Variants in DOCK2 observed in about 807,000 individuals in gnomAD.
DOCK2 encodes the protein dedicator of cytokinesis protein 2.
A neutral mutation model predicts 248.9 loss-of-function variants in DOCK2; 87 were observed. That is an observed-to-expected ratio of 0.35 (90% CI 0.29 to 0.42). DOCK2 has a LOEUF of 0.42. Among genes scored for constraint, DOCK2 ranks in the 10% least tolerant of loss-of-function variants. The probability of loss-of-function intolerance (pLI) is 1.00; values close to 1 mark genes in which losing one functional copy is unlikely to be tolerated. For missense variants in DOCK2, 1,747 were observed against 2,300.2 expected (o/e 0.76, Z 4.92); for synonymous variants, 805 against 821.6 (o/e 0.98, Z 0.35).
At chr5:169,963,005 A>G (rs1410132286) in intron 27 of DOCK2, among the ~76,000 whole-genome samples, 1 of 152,184 alleles carries the variant, frequency 6.6e-6, no homozygotes, top group Non-Finnish European at 1.5e-5. Flanking sequence ...GGGTGGAAGA[A>G]TTGACATTTT....
At chr5:169,666,838 T>C (rs1758761668) in intron 2 of DOCK2, among the ~76,000 whole-genome samples, 1 of 152,234 alleles carries the variant, frequency 6.6e-6, no homozygotes, top group African/African-American at 2.4e-5. Context: ...CTTCTTGCAA[T>C]GAATCCCTGG....
At chr5:169,968,004 A>G (rs763298766) in intron 27 of DOCK2, among the ~76,000 whole-genome samples, 6 of 152,184 alleles carry the variant, frequency 3.9e-5, no homozygotes, top group Non-Finnish European at 7.4e-5. Flanking sequence ...TCATGTTGAC[A>G]TGTTAATATG....
chr5:170,027,019 A>G (rs1581537649), intron 33 of DOCK2, among the ~76,000 whole-genome samples: 1 of 151,922 alleles, frequency 6.6e-6, no homozygotes, highest in African/African-American at 2.4e-5. Context: ...AGGGGCTCAC[A>G]AATGGCATCA....
intron 23 of DOCK2, among the ~76,000 whole-genome samples, chr5:169,748,522 T>G (rs1274085748): frequency 1.3e-5 from 2 of 152,188 alleles, no homozygotes; most frequent in Non-Finnish European, 2.9e-5. Context: ...ATGGCTTCCT[T>G]TAATTTAACA....
intron 27 of DOCK2, among the ~76,000 whole-genome samples, chr5:169,925,203 A>C (rs551328626): frequency 2.0e-5 from 3 of 152,212 alleles, no homozygotes; most frequent in Non-Finnish European, 4.4e-5. Context: ...GGACTAGTTC[A>C]GTCAGGCAGC....
At chr5:170,037,847 A>T (rs756541027) in intron 36 of DOCK2, among the ~76,000 whole-genome samples, 1 of 152,122 alleles carries the variant, frequency 6.6e-6, no homozygotes, top group Non-Finnish European at 1.5e-5. Flanking sequence ...GGAGCCCTTG[A>T]GGTAGAGTCA....
At chr5:169,777,294 C>T (rs995247856) in intron 25 of DOCK2, among the ~76,000 whole-genome samples, 3 of 152,210 alleles carry the variant, frequency 2.0e-5, no homozygotes, top group African/African-American at 7.2e-5. Context: ...CATGTTTTCA[C>T]AACTCCGCCG....
intron 26 of DOCK2, among the ~76,000 whole-genome samples, chr5:169,826,419 TG>T (rs371329757): frequency 1.2e-4 from 18 of 152,056 alleles, no homozygotes; most frequent in African/African-American, 4.1e-4. Flanking sequence ...CTCTCATCTC[TG>T]GGGGGGACGA....
intron 27 of DOCK2, among the ~76,000 whole-genome samples, chr5:169,857,744 A>G (rs1012069179): frequency 5.9e-5 from 9 of 152,030 alleles, no homozygotes; most frequent in Non-Finnish European, 5.9e-5. Flanking sequence ...AAAAAAAAAA[A>G]AAAGAAAAAA....
intron 25 of DOCK2, among the ~76,000 whole-genome samples, chr5:169,785,451 C>T (rs1034530295): frequency 6.6e-6 from 1 of 152,028 alleles, no homozygotes; most frequent in South Asian, 2.1e-4. Flanking sequence ...TAGAGATTAG[C>T]ATATATAGAA....
intron 27 of DOCK2, among the ~76,000 whole-genome samples, chr5:169,856,296 C>G (rs1052705097): frequency 6.6e-6 from 1 of 152,142 alleles, no homozygotes; most frequent in African/African-American, 2.4e-5. Flanking sequence ...CAGAAGCTGC[C>G]CACCAGCCCC....
intron 26 of DOCK2, among the ~76,000 whole-genome samples, chr5:169,822,333 C>T (rs1446888071): frequency 6.6e-6 from 1 of 152,194 alleles, no homozygotes; most frequent in Non-Finnish European, 1.5e-5. Context: ...CAGCACCACA[C>T]CACACCTGTT....
intron 2 of DOCK2, among the ~76,000 whole-genome samples, chr5:169,668,632 T>G (rs1198557730): frequency 6.6e-6 from 1 of 152,226 alleles, no homozygotes; most frequent in Non-Finnish European, 1.5e-5. Context: ...CTTGCTGCAC[T>G]CAGGCGTATT....
chr5:169,908,619 ATGACC>A (rs1435293781), intron 27 of DOCK2, among the ~76,000 whole-genome samples: 1 of 152,098 alleles, frequency 6.6e-6, no homozygotes, highest in Non-Finnish European at 1.5e-5. Context: ...ATATGGAATC[ATGACC>A]AATGTTGCAA....
chr5:169,969,944 G>A (rs1777440012), intron 27 of DOCK2, among the ~76,000 whole-genome samples: 1 of 152,166 alleles, frequency 6.6e-6, no homozygotes, highest in African/African-American at 2.4e-5. Flanking sequence ...TTTAATTGTT[G>A]ACAACAAATT....
intron 25 of DOCK2, among the ~76,000 whole-genome samples, chr5:169,801,960 GGT>G (rs2113126344): frequency 6.6e-6 from 1 of 151,866 alleles, no homozygotes; most frequent in Admixed American, 6.6e-5. Flanking sequence ...ATGATATCCT[GGT>G]GTGTATGATT....
chr5:169,743,648 C>A (rs912534672), intron 22 of DOCK2, among the ~76,000 whole-genome samples: 1 of 151,994 alleles, frequency 6.6e-6, no homozygotes, highest in Admixed American at 6.6e-5. Context: ...TTAACTGAGG[C>A]CACACAGCAA....
At chr5:169,901,223 C>T (rs1773904225) in intron 27 of DOCK2, among the ~76,000 whole-genome samples, 1 of 152,104 alleles carries the variant, frequency 6.6e-6, no homozygotes, top group South Asian at 2.1e-4. Context: ...GAACATTGTG[C>T]ACACTGGCTC....
At chr5:170,030,080 A>C (rs1439998337) in intron 34 of DOCK2, among the ~76,000 whole-genome samples, 1 of 152,240 alleles carries the variant, frequency 6.6e-6, no homozygotes, top group Non-Finnish European at 1.5e-5. Context: ...TTTATCTTAA[A>C]GTTCTAAACA....
Sources: gnomAD v4.1 joint callset for allele counts (sites outside exome capture counted in the v4.1 genomes callset) on GRCh38, gnomAD v4.1.1 for gene constraint, MANE v1.5 for transcripts, NCBI Gene and HGNC (gene_info 2026-07-23, HGNC 2026-07-21) for gene names.